The following SCG3 variants were observed in gnomAD, a reference collection of about 807,000 sequenced individuals.
SCG3 encodes the protein secretogranin III.
In SCG3, 38 loss-of-function variants were observed where a neutral mutation model predicts 56.2. The observed-to-expected ratio is 0.68, with a 90% confidence interval of 0.52 to 0.89. The LOEUF is 0.89. SCG3 is among the 40% of genes least tolerant of loss of function. The pLI, the probability that SCG3 is intolerant of heterozygous loss-of-function variation, is 0.00. For synonymous variants in SCG3, 176 were observed against 184.2 expected (o/e 0.96, Z 0.36); for missense variants, 524 against 540.7 (o/e 0.97, Z 0.31).
At position 51,709,226 on chromosome 15, in the gene SCG3, T is replaced by C. The variant is rs530745885; in HGVS notation, c.1208-4107T>C. Reference sequence around the variant, plus strand: ...AGCCCCTTACGTAACCATCTGATCTTGTGAGAACTCACTCACTATCACAAG... The same window carrying C: ...AGCCCCTTACGTAACCATCTGATCTCGTGAGAACTCACTCACTATCACAAG... On this transcript the variant is annotated intron_variant, in intron 10 of 11. Transcript: ENST00000220478. Among the ~76,000 whole-genome samples, 5 of 152,290 alleles carry C rather than the reference T, an allele frequency of 3.3e-5. No individual in the cohort carries two copies. In the East Asian group the frequency reaches 9.7e-4, roughly 29 times the overall value.
chr15:51,688,207 C>G, intron 4 of SCG3, 53 bp from the exon 5 acceptor site: 1 of 1,514,848 alleles, frequency 6.6e-7, no homozygotes, highest in Non-Finnish European at 9.0e-7. Flanking sequence ...TAATATGATG[C>G]ATGAAATAGA....
At chr15:51,702,404 G>A (rs911355837) in intron 10 of SCG3, among the ~76,000 whole-genome samples, 6 of 152,036 alleles carry the variant, frequency 3.9e-5, no homozygotes, top group South Asian at 2.1e-4. Context: ...CTACAGGCAC[G>A]CGCCACCCTG....
Position 51,699,382 on chromosome 15 carries a change from A to C in SCG3, c.1049A>C (p.Asn350Thr), listed in dbSNP as rs757877922. 3.7e-6 allele frequency: 6 copies of C among 1,606,504 alleles called. No homozygotes were observed. The highest frequency in any genetic ancestry group is 4.2e-6 in the Non-Finnish European group (5 of 1,176,932). The change falls in exon 9 of 12, where the codon AAT (asparagine) becomes ACT (threonine). Residue 350 changes from asparagine to threonine, a missense_variant. Coordinates refer to ENST00000220478, the MANE Select transcript of SCG3 (RefSeq NM_013243.4). Reference sequence around the variant, plus strand: ...AAGCTAGAAAAAAATGCTACTGACAATATAAGCAAGCTTTTCCCAGGTATG... The same window carrying C: ...AAGCTAGAAAAAAATGCTACTGACACTATAAGCAAGCTTTTCCCAGGTATG... ...KNKLEKNATD[N>T]ISKLFPAPSE...
intron 8 of SCG3, among the ~76,000 whole-genome samples, chr15:51,696,830 C>A (rs1041756382): frequency 6.6e-6 from 1 of 152,074 alleles, no homozygotes; most frequent in Non-Finnish European, 1.5e-5. Flanking sequence ...GGTGAGAAAT[C>A]GCCCCCATGA....
In SCG3 at chr15:51,701,099, G is replaced by T; in HGVS notation, c.1070-8G>T. ...GGGCTATGACAACAATGCTCAATCTGATTACAGCACCATCAGAGAAGAGTC... is the reference window on the plus strand; with the variant it reads ...GGGCTATGACAACAATGCTCAATCTTATTACAGCACCATCAGAGAAGAGTC... On this transcript the variant is annotated splice_polypyrimidine_tract_variant and splice_region_variant and intron_variant, in intron 9 of 11. Transcript: ENST00000220478. 1 of 1,613,458 alleles carries T rather than the reference G, an allele frequency of 6.2e-7. No individual in the cohort carries two copies. Among genetic ancestry groups the T allele is most frequent in the South Asian group, 1.1e-5 (1 of 91,018 alleles).
intron 9 of SCG3, among the ~76,000 whole-genome samples, chr15:51,700,656 CA>C (rs1449204699): frequency 2.6e-5 from 4 of 152,126 alleles, no homozygotes. Flanking sequence ...TTCAAAAATG[CA>C]ATGTCAAGGA....
chr15:51,715,881 A>G (rs1011517541), intron 11 of SCG3, among the ~76,000 whole-genome samples: 5 of 149,558 alleles, frequency 3.3e-5, no homozygotes, highest in African/African-American at 1.3e-4. Flanking sequence ...TTTTTGAGAC[A>G]GAGTCTCGCT....
At chr15:51,701,948 T>C (rs977756023) in intron 10 of SCG3, among the ~76,000 whole-genome samples, 1 of 150,968 alleles carries the variant, frequency 6.6e-6, no homozygotes, top group East Asian at 1.9e-4. Context: ...GGTCGGGGGA[T>C]GGGGGAGGAT....
At chr15:51,698,678 C>G (rs531299789) in intron 8 of SCG3, among the ~76,000 whole-genome samples, 1 of 152,230 alleles carries the variant, frequency 6.6e-6, no homozygotes, top group African/African-American at 2.4e-5. Context: ...CTCATCCCAT[C>G]TCACAGCTCT....
chr15:51,713,505 T>A, intron 11 of SCG3, 92 bp downstream of exon 11: 1 of 829,982 alleles, frequency 1.2e-6, no homozygotes, highest in Non-Finnish European at 1.9e-6. Flanking sequence ...TTGACTGTGC[T>A]AAAGTCTCCC....
rs1402260792 is a variant in SCG3 at position 51,720,315 on chromosome 15, C to T, written c.*789C>T. The T allele has an allele frequency of 3.9e-5, 6 of 152,214 alleles. No individual in the cohort carries two copies. The highest frequency in any genetic ancestry group is 7.3e-5 in the Non-Finnish European group (5 of 68,052). The allele number at this position is 152,214 out of a possible 1,614,324, so 9.4% of individuals were successfully genotyped here. On this transcript the variant is annotated 3_prime_UTR_variant, in exon 12 of 12. Transcript: ENST00000220478. Reference sequence around the variant, plus strand: ...CAAGCCAAGTTTTCTCAACAGAGAGCAAAGGGCCAGGCAGTAAGGTAGAAA... The same window carrying T: ...CAAGCCAAGTTTTCTCAACAGAGAGTAAAGGGCCAGGCAGTAAGGTAGAAA...
At chr15:51,682,963 C>G (rs1033067669) in intron 2 of SCG3, 116 bp from the exon 3 acceptor site, 20 of 777,790 alleles carry the variant, frequency 2.6e-5, no homozygotes, top group Admixed American at 5.8e-5. Flanking sequence ...AGGAATTATC[C>G]ACATTTTACA....
At chr15:51,699,573 C>T (rs1466541204) in intron 9 of SCG3, among the ~76,000 whole-genome samples, 171 bp downstream of exon 9, 1 of 152,128 alleles carries the variant, frequency 6.6e-6, no homozygotes, top group African/African-American at 2.4e-5. Context: ...TGTGGCCAAT[C>T]ACAGCACATA....
intron 5 of SCG3, 89 bp from the exon 6 acceptor site, chr15:51,689,130 A>G: frequency 2.2e-6 from 3 of 1,354,998 alleles, no homozygotes; most frequent in Non-Finnish European, 3.1e-6. Context: ...TTTAAAAAAT[A>G]CATGTTTGAC....
intron 10 of SCG3, chr15:51,708,049 A>AT (rs1336115683): frequency 1.3e-5 from 2 of 152,192 alleles, no homozygotes; most frequent in Admixed American, 6.5e-5. Context: ...CAGTGTAAAA[A>AT]CCAGAACAGC....
chr15:51,717,780 G>C (rs2055467849), intron 11 of SCG3, among the ~76,000 whole-genome samples: 1 of 152,158 alleles, frequency 6.6e-6, no homozygotes, highest in Non-Finnish European at 1.5e-5. Flanking sequence ...CTATCTGGAA[G>C]CTCCTGAACC....
intron 10 of SCG3, among the ~76,000 whole-genome samples, chr15:51,705,216 G>C (rs905813852): frequency 6.6e-6 from 1 of 152,170 alleles, no homozygotes; most frequent in Non-Finnish European, 1.5e-5. Context: ...AACCCAGTGA[G>C]CCATAGGCTA....
chr15:51,689,620 A>G (rs2055254014), intron 6 of SCG3, among the ~76,000 whole-genome samples: 1 of 151,896 alleles, frequency 6.6e-6, no homozygotes, highest in South Asian at 2.1e-4. Flanking sequence ...TGAGACCCCC[A>G]TCTCTACAAA....
At chr15:51,708,581 C>T (rs1374072150) in intron 10 of SCG3, among the ~76,000 whole-genome samples, 2 of 152,178 alleles carry the variant, frequency 1.3e-5, no homozygotes, top group South Asian at 2.1e-4. Flanking sequence ...CCTTGCCGGG[C>T]GCGGAGGCTC....
Sources: gnomAD v4.1 joint callset for allele counts (sites outside exome capture counted in the v4.1 genomes callset) on GRCh38, gnomAD v4.1.1 for gene constraint, MANE v1.5 for transcripts, NCBI Gene and HGNC (gene_info 2026-07-23, HGNC 2026-07-21) for gene names.